The following NR2F1-AS1 variants were observed in gnomAD, a reference collection of about 807,000 sequenced individuals.
The protein encoded by NR2F1-AS1 is NR2F1 regulatory antisense RNA 1.
At chr5:93,551,746 A>G (rs1752235583) in intron 4 of NR2F1-AS1, among the ~76,000 whole-genome samples, 1 of 152,164 alleles carries the variant, frequency 6.6e-6, no homozygotes. Flanking sequence ...CTTAAGTTCC[A>G]TTATACTCAT....
At chr5:93,583,955 CAAAAAGAGCA>C (rs1178319346), upstream of NR2F1-AS1, 1 of 152,246 alleles carries the variant, frequency 6.6e-6, no homozygotes, top group African/African-American at 2.4e-5. Context: ...ACCGGCACAA[CAAAAAGAGCA>C]AAGTGTGTGA....
intron 4 of NR2F1-AS1, among the ~76,000 whole-genome samples, chr5:93,412,563 G>A (rs573561571): frequency 1.5e-4 from 23 of 152,282 alleles, no homozygotes; most frequent in African/African-American, 3.6e-4. Context: ...TCATTTCTCC[G>A]TTTTCCTAGT....
At chr5:93,515,229 T>C (rs561702625) in intron 4 of NR2F1-AS1, among the ~76,000 whole-genome samples, 34 of 151,976 alleles carry the variant, frequency 2.2e-4, no homozygotes, top group Non-Finnish European at 4.6e-4. Context: ...TTAAATTGAT[T>C]TCAAATCATT....
At chr5:93,528,174 T>C (rs943931486) in intron 4 of NR2F1-AS1, among the ~76,000 whole-genome samples, 8 of 152,072 alleles carry the variant, frequency 5.3e-5, no homozygotes, top group Non-Finnish European at 8.8e-5. Flanking sequence ...AACAAGCCCA[T>C]TAAAAAGTGG....
intron 4 of NR2F1-AS1, among the ~76,000 whole-genome samples, chr5:93,548,920 T>C (rs1752158521): frequency 6.6e-6 from 1 of 152,064 alleles, no homozygotes; most frequent in Non-Finnish European, 1.5e-5. Context: ...ATGCTTTGTC[T>C]CTCCATTTCT....
At chr5:93,442,261 C>A (rs1021092347) in intron 4 of NR2F1-AS1, among the ~76,000 whole-genome samples, 2 of 152,166 alleles carry the variant, frequency 1.3e-5, no homozygotes, top group African/African-American at 4.8e-5. Flanking sequence ...ACCCAGGAAG[C>A]GCAAGGGGTT....
At position 93,476,448 on chromosome 5, in the gene NR2F1-AS1, T is replaced by A. The variant is rs1163890225; in HGVS notation, n.638+77313A>T. On this transcript the variant is annotated intron_variant and non_coding_transcript_variant, in intron 4 of 5. Transcript: ENST00000660523. ...AGGCTGAATTCATTGGCCCCACAGT[T>A]AAAGGAAAGCAGACCCTAATTAAAA... Among the ~76,000 whole-genome samples the A allele has an allele frequency of 2.0e-5, 3 of 152,292 alleles. No individual in the cohort carries two copies. In the East Asian group the frequency reaches 5.8e-4, roughly 29 times the overall value.
intron 4 of NR2F1-AS1, among the ~76,000 whole-genome samples, chr5:93,492,181 C>G (rs1231842580): frequency 6.6e-6 from 1 of 152,156 alleles, no homozygotes; most frequent in Admixed American, 6.5e-5. Context: ...TTTACACCAA[C>G]AAATTAGGTA....
At chr5:93,436,630 A>C (rs922641862) in intron 4 of NR2F1-AS1, among the ~76,000 whole-genome samples, 10 of 152,174 alleles carry the variant, frequency 6.6e-5, no homozygotes, top group African/African-American at 2.2e-4. Flanking sequence ...TAAATTACTT[A>C]ACAGAAATCT....
intron 4 of NR2F1-AS1, among the ~76,000 whole-genome samples, chr5:93,478,624 A>G (rs1173765929): frequency 1.3e-5 from 2 of 152,008 alleles, no homozygotes; most frequent in African/African-American, 4.8e-5. Flanking sequence ...GGCTGGTCTC[A>G]AACTCCTGAC....
rs545692098 is a variant in NR2F1-AS1, at chr5:93,459,167, C to A, written n.639-63625G>T. On this transcript the variant is annotated intron_variant and non_coding_transcript_variant, in intron 4 of 5. Transcript: ENST00000660523. ...CAATAACTCAATTTTTTAAAATAGA[C>A]AAGCTTTAAAGCTTATCTATTTTAA... Among the ~76,000 whole-genome samples the A allele has an allele frequency of 9.9e-4, 150 of 152,064 alleles. 1 individual carries two copies. The highest frequency in any genetic ancestry group is 6.8e-3 in the Middle Eastern group (2 of 294).
intron 4 of NR2F1-AS1, among the ~76,000 whole-genome samples, chr5:93,443,100 C>A (rs181538031): frequency 6.6e-6 from 1 of 152,188 alleles, no homozygotes; most frequent in Non-Finnish European, 1.5e-5. Flanking sequence ...GAAACCAGAG[C>A]AGAAAAGCTG....
At chr5:93,512,628 C>A (rs1012979558) in intron 4 of NR2F1-AS1, among the ~76,000 whole-genome samples, 8 of 152,136 alleles carry the variant, frequency 5.3e-5, no homozygotes, top group African/African-American at 1.9e-4. Flanking sequence ...AGAGCAACTT[C>A]CAGTCCTGCA....
chr5:93,430,060 A>T (rs998777456), intron 4 of NR2F1-AS1, among the ~76,000 whole-genome samples: 5 of 152,224 alleles, frequency 3.3e-5, no homozygotes, highest in African/African-American at 1.2e-4. Flanking sequence ...TCATGAAATC[A>T]AGAGTAGTCC....
Position 93,521,144 on chromosome 5 carries a change from G to A in NR2F1-AS1, n.638+32617C>T, listed in dbSNP as rs941192017. Among the ~76,000 whole-genome samples, 3 of 152,168 alleles carry A rather than the reference G, an allele frequency of 2.0e-5. No homozygotes were observed. The South Asian group carries it at 6.2e-4, about 32-fold the overall frequency. On this transcript the variant is annotated intron_variant and non_coding_transcript_variant, in intron 4 of 5. Transcript: ENST00000660523. The stretch of plus-strand genomic sequence containing the variant: ...AAAGACTCGCTATTCAATAAATGAT[G>A]CTGGGATAACTGGCTAGCCATATGC...
chr5:93,454,126 A>G (rs1041333144), intron 4 of NR2F1-AS1, among the ~76,000 whole-genome samples: 1 of 152,062 alleles, frequency 6.6e-6, no homozygotes, highest in Admixed American at 6.6e-5. Context: ...ATCAGTATTT[A>G]AAAAATTAGC....
At chr5:93,472,351 G>C (rs1314376777) in intron 4 of NR2F1-AS1, among the ~76,000 whole-genome samples, 1 of 151,780 alleles carries the variant, frequency 6.6e-6, no homozygotes, top group Non-Finnish European at 1.5e-5. Flanking sequence ...AAAGACAAAT[G>C]TTTTAATTAA....
chr5:93,497,284 T>C (rs921553742), intron 4 of NR2F1-AS1, among the ~76,000 whole-genome samples: 1 of 152,162 alleles, frequency 6.6e-6, no homozygotes, highest in African/African-American at 2.4e-5. Flanking sequence ...AATGGAGATA[T>C]TACGCTGTGT....
chr5:93,462,563 C>G lies in NR2F1-AS1; in HGVS notation n.639-67021G>C, dbSNP rs1443901111. Among the ~76,000 whole-genome samples the G allele has an allele frequency of 4.7e-4, 71 of 152,136 alleles. 2 individuals are homozygous for G. In the East Asian group the frequency reaches 0.011, roughly 23 times the overall value. ...GAAGGCAACTTTGGAACTGGGTAAC[C>G]GGCAGAAGTTGGGACAGTTTGGAGG... On this transcript the variant is annotated intron_variant and non_coding_transcript_variant, in intron 4 of 5. Transcript: ENST00000660523.
Sources: allele counts gnomAD v4.1 joint callset (sites outside exome capture counted in the v4.1 genomes callset), GRCh38; gene constraint gnomAD v4.1.1; transcripts MANE v1.5; gene names NCBI Gene and HGNC (gene_info 2026-07-23, HGNC 2026-07-21).